PBX1: variants seen among roughly 807,000 people sequenced by gnomAD.
The protein encoded by PBX1 is PBX homeobox 1.
In PBX1, 6 loss-of-function variants were observed where a neutral mutation model predicts 53.4. The ratio of observed to expected loss-of-function variants is 0.11; its 90% confidence interval spans 0.06 to 0.22. The LOEUF is 0.22. PBX1 is among the 10% of genes least tolerant of loss of function. The pLI, the probability that PBX1 is intolerant of heterozygous loss-of-function variation, is 1.00. For missense variants in PBX1, 251 were observed against 551.4 expected, an observed-to-expected ratio of 0.46 and a Z score of 5.46; for synonymous variants, 204 against 212.3, an observed-to-expected ratio of 0.96 and a Z score of 0.34.
chr1:164,721,722 G>T (rs933153408), intron 2 of PBX1, among the ~76,000 whole-genome samples: 33 of 152,156 alleles, frequency 2.2e-4, no homozygotes, highest in Admixed American at 1.8e-3. Context: ...CTGGCCTGTG[G>T]CTCCTCCTTC....
chr1:164,883,184 G>T (rs1037224532), intron 2 of PBX1, among the ~76,000 whole-genome samples: 2 of 152,160 alleles, frequency 1.3e-5, no homozygotes, highest in Non-Finnish European at 2.9e-5. Flanking sequence ...ACTAGAGAAA[G>T]TTGAGGCCAT....
chr1:164,659,595 T>A (rs1182461759), intron 2 of PBX1, among the ~76,000 whole-genome samples: 1 of 152,198 alleles, frequency 6.6e-6, no homozygotes, highest in Non-Finnish European at 1.5e-5. Context: ...GACATCTTTT[T>A]GCTATGTGAG....
chr1:164,576,449 C>G (rs1013740169), intron 2 of PBX1, among the ~76,000 whole-genome samples: 3 of 152,046 alleles, frequency 2.0e-5, no homozygotes, highest in Admixed American at 2.0e-4. Flanking sequence ...CGCCTTGCAC[C>G]GGCTCCCTCT....
At chr1:164,830,659 C>A (rs139116441) in intron 8 of PBX1, among the ~76,000 whole-genome samples, 100 of 152,286 alleles carry the variant, frequency 6.6e-4, no homozygotes, top group Middle Eastern at 3.4e-3. Context: ...TTGAACTCAT[C>A]TTGAACTCTT....
Position 164,848,359 on chromosome 1 carries a change from G to T in PBX1, c.*1683G>T. 8.5e-6 allele frequency: 9 copies of T among 1,057,070 alleles called. No homozygotes were observed. The highest frequency in any genetic ancestry group is 1.0e-5 in the Non-Finnish European group (9 of 874,144). 65.5% of individuals were successfully genotyped at this position (1,057,070 alleles called of 1,614,324 possible). A position where few individuals can be genotyped will look rare whatever the true frequency, so the allele number is the denominator to read the frequency against. Reference sequence around the variant, plus strand: ...TTTTGGTGCCTCATTTTCTTCATCTGTGAGATGGGAACTGTTATGCCTGGC... The same window carrying T: ...TTTTGGTGCCTCATTTTCTTCATCTTTGAGATGGGAACTGTTATGCCTGGC... On this transcript the variant is annotated 3_prime_UTR_variant, in exon 9 of 9. Transcript: ENST00000420696.
chr1:164,861,741 A>T (rs893607743), intron 2 of PBX1, among the ~76,000 whole-genome samples: 2 of 152,210 alleles, frequency 1.3e-5, no homozygotes, highest in African/African-American at 4.8e-5. Context: ...TTGACTAAAA[A>T]GGTGATTTTG....
At chr1:164,775,626 G>A (rs901108935) in intron 2 of PBX1, among the ~76,000 whole-genome samples, 9 of 152,142 alleles carry the variant, frequency 5.9e-5, no homozygotes, top group African/African-American at 1.4e-4. Flanking sequence ...TGTTATAACC[G>A]TCTGCCCAGT....
At chr1:164,660,880 C>A (rs1406330493) in intron 2 of PBX1, among the ~76,000 whole-genome samples, 1 of 152,134 alleles carries the variant, frequency 6.6e-6, no homozygotes, top group Non-Finnish European at 1.5e-5. Flanking sequence ...GGATTCATAT[C>A]CTCTCCCCTC....
intron 2 of PBX1, among the ~76,000 whole-genome samples, chr1:164,574,907 G>A (rs1654114442): frequency 6.6e-6 from 1 of 152,094 alleles, no homozygotes; most frequent in Non-Finnish European, 1.5e-5. Context: ...TCTTGAACCC[G>A]GGAGGTGGAG....
chr1:164,791,359 C>T (rs188000719), intron 2 of PBX1, among the ~76,000 whole-genome samples: 6 of 152,196 alleles, frequency 3.9e-5, no homozygotes, highest in African/African-American at 1.2e-4. Flanking sequence ...CGCCATCCTA[C>T]CAGAGCACTG....
intron 2 of PBX1, among the ~76,000 whole-genome samples, chr1:164,868,256 T>C (rs10918083): frequency 0.58 from 88,356 of 151,970 alleles, 25,830 homozygotes; most frequent in South Asian, 0.67. Context: ...CCCGAGATAT[T>C]CTCTCTTCCC....
At chr1:164,593,288 T>C (rs181386072) in intron 2 of PBX1, among the ~76,000 whole-genome samples, 39 of 152,280 alleles carry the variant, frequency 2.6e-4, no homozygotes, top group African/African-American at 9.4e-4. Flanking sequence ...ACCCAACTTA[T>C]CTCTTTATAA....
At chr1:164,792,804 C>T (rs1319212941) in intron 3 of PBX1, 66 bp downstream of exon 3, 13 of 1,249,718 alleles carry the variant, frequency 1.0e-5, no homozygotes, top group South Asian at 1.0e-4. Flanking sequence ...AGCACAACCC[C>T]GGGGCTTGCA....
chr1:164,774,139 A>G (rs960320339), intron 2 of PBX1, among the ~76,000 whole-genome samples: 1 of 152,216 alleles, frequency 6.6e-6, no homozygotes, highest in Admixed American at 6.5e-5. Context: ...TGTTAAGGAA[A>G]GTTCTTCACA....
At chr1:164,613,241 C>G (rs1277764247) in intron 2 of PBX1, among the ~76,000 whole-genome samples, 2 of 152,112 alleles carry the variant, frequency 1.3e-5, no homozygotes, top group African/African-American at 4.8e-5. Context: ...TGTTTTGTTA[C>G]CATCCCTGTA....
chr1:164,777,169 C>T (rs1667713193), intron 2 of PBX1, among the ~76,000 whole-genome samples: 1 of 152,134 alleles, frequency 6.6e-6, no homozygotes, highest in South Asian at 2.1e-4. Context: ...GGCATGGTGG[C>T]TCATGCCTGT....
intron 2 of PBX1, among the ~76,000 whole-genome samples, chr1:164,697,791 T>C (rs1341251585): frequency 6.6e-6 from 1 of 152,212 alleles, no homozygotes; most frequent in East Asian, 1.9e-4. Context: ...AGCCTGATTG[T>C]GGTCTTCACA....
chr1:164,670,339 C>T (rs527259493), intron 2 of PBX1, among the ~76,000 whole-genome samples: 2 of 152,328 alleles, frequency 1.3e-5, no homozygotes, highest in Non-Finnish European at 2.9e-5. Context: ...CACTCAATCC[C>T]TTTCCAGGAG....
At chr1:164,698,845 C>G (rs1384826116) in intron 2 of PBX1, among the ~76,000 whole-genome samples, 1 of 152,200 alleles carries the variant, frequency 6.6e-6, no homozygotes, top group East Asian at 1.9e-4. Flanking sequence ...ATCCTCACAA[C>G]CACACTAGAA....
Sources: gnomAD v4.1 joint callset for allele counts (sites outside exome capture counted in the v4.1 genomes callset) on GRCh38, gnomAD v4.1.1 for gene constraint, MANE v1.5 for transcripts, NCBI Gene and HGNC (gene_info 2026-07-23, HGNC 2026-07-21) for gene names.